The following RAD51B variants were observed in gnomAD, a reference collection of about 807,000 sequenced individuals.
The protein encoded by RAD51B is DNA repair protein RAD51 homolog 2.
RAD51B carries 38 observed loss-of-function variants against 42.2 expected under a neutral mutation model. The observed-to-expected ratio is 0.90, with a 90% CI of 0.70 to 1.18. The LOEUF (loss-of-function observed/expected upper bound fraction) is 1.18. Ranked by LOEUF, RAD51B falls within the 50% of genes most tolerant of loss-of-function variation. The pLI is 0.00. For missense variants in RAD51B, 373 were observed against 400.7 expected (o/e 0.93, Z 0.59); for synonymous variants, 154 against 145.2 (o/e 1.06, Z -0.43).
At chr14:68,337,353 T>A (rs2082477988) in intron 8 of RAD51B, among the ~76,000 whole-genome samples, 1 of 152,238 alleles carries the variant, frequency 6.6e-6, no homozygotes, top group African/African-American at 2.4e-5. Flanking sequence ...AAACCTGAAA[T>A]ACCCCCTCAG....
At chr14:68,258,094 A>G (rs914541360) in intron 7 of RAD51B, among the ~76,000 whole-genome samples, 11 of 152,182 alleles carry the variant, frequency 7.2e-5, no homozygotes, top group African/African-American at 2.2e-4. Flanking sequence ...ATTCAGAAAC[A>G]TAAGTGAGCT....
chr14:68,619,358 G>T (rs1205393245), intron 10 of RAD51B, among the ~76,000 whole-genome samples: 1 of 151,860 alleles, frequency 6.6e-6, no homozygotes, highest in East Asian at 1.9e-4. Context: ...AGCTACTCAG[G>T]AGGCTGAGGC....
intron 10 of RAD51B, among the ~76,000 whole-genome samples, chr14:68,507,665 A>G (rs1271646276): frequency 6.6e-6 from 1 of 152,206 alleles, no homozygotes; most frequent in Non-Finnish European, 1.5e-5. Flanking sequence ...CCAGCTCACA[A>G]TAGACACTCA....
At chr14:67,947,927 A>G (rs1423418715) in intron 7 of RAD51B, among the ~76,000 whole-genome samples, 2 of 152,186 alleles carry the variant, frequency 1.3e-5, no homozygotes, top group African/African-American at 2.4e-5. Context: ...TAGCCCATTT[A>G]TCTTCATGTC....
intron 7 of RAD51B, among the ~76,000 whole-genome samples, chr14:67,940,054 ATTTTTTTTTTTTTTTTT>A (rs1170220269): frequency 3.4e-4 from 5 of 14,558 alleles, no homozygotes; most frequent in African/African-American, 6.8e-4. Flanking sequence ...ATATATATAT[ATTTTTTTTTTTTTTTTT>A]TTTTTTTTTT....
At chr14:68,250,694 A>G (rs2080609968) in intron 7 of RAD51B, among the ~76,000 whole-genome samples, 1 of 152,204 alleles carries the variant, frequency 6.6e-6, no homozygotes, top group Non-Finnish European at 1.5e-5. Flanking sequence ...GACAACCGGC[A>G]TTAATTCACT....
At chr14:68,645,366 T>A (rs1892543254) in intron 10 of RAD51B, among the ~76,000 whole-genome samples, 1 of 152,240 alleles carries the variant, frequency 6.6e-6, no homozygotes, top group South Asian at 2.1e-4. Context: ...CTGTTGTGTG[T>A]ATATACCACA....
chr14:67,856,145 C>T (rs1427843582), intron 4 of RAD51B, among the ~76,000 whole-genome samples: 3 of 152,164 alleles, frequency 2.0e-5, no homozygotes, highest in East Asian at 3.9e-4. Flanking sequence ...TTGTCATTTC[C>T]ATTCCCTCCT....
intron 8 of RAD51B, among the ~76,000 whole-genome samples, chr14:68,297,393 G>A (rs775285379): frequency 3.9e-5 from 6 of 152,164 alleles, no homozygotes; most frequent in Non-Finnish European, 8.8e-5. Context: ...TAAATTGTGT[G>A]TATTTTCAGC....
chr14:68,587,025 A>C (rs1258885023), intron 10 of RAD51B, among the ~76,000 whole-genome samples: 7 of 126,854 alleles, frequency 5.5e-5, no homozygotes, highest in Non-Finnish European at 7.7e-5. Flanking sequence ...ACTCTGTCTC[A>C]AAAAAAAAAA....
At chr14:68,471,644 T>C (rs567476766) in intron 10 of RAD51B, among the ~76,000 whole-genome samples, 1 of 149,606 alleles carries the variant, frequency 6.7e-6, no homozygotes, top group African/African-American at 2.5e-5. Flanking sequence ...AAGGAGCCGG[T>C]CCATGCTATT....
intron 11 of RAD51B, among the ~76,000 whole-genome samples, chr14:68,674,659 T>C (rs1208266341): frequency 6.6e-6 from 1 of 152,172 alleles, no homozygotes; most frequent in Non-Finnish European, 1.5e-5. Context: ...AAAGAGTACT[T>C]TCATTTGTTG....
chr14:68,525,551 G>C (rs565302343), intron 10 of RAD51B, among the ~76,000 whole-genome samples: 1 of 152,294 alleles, frequency 6.6e-6, no homozygotes, highest in Admixed American at 6.5e-5. Context: ...TGGTTCTCCT[G>C]GCTAAGCCCC....
At chr14:68,055,479 A>G (rs1412689885) in intron 7 of RAD51B, among the ~76,000 whole-genome samples, 2 of 152,172 alleles carry the variant, frequency 1.3e-5, no homozygotes, top group African/African-American at 4.8e-5. Flanking sequence ...AATGAGAGCA[A>G]TCATGTGATA....
At chr14:68,334,142 C>A (rs1271186831) in intron 8 of RAD51B, among the ~76,000 whole-genome samples, 1 of 152,052 alleles carries the variant, frequency 6.6e-6, no homozygotes. Context: ...GTAGAGTCAA[C>A]CCTAGAAAAA....
At chr14:68,375,701 G>A (rs940054033) in intron 8 of RAD51B, among the ~76,000 whole-genome samples, 1 of 151,928 alleles carries the variant, frequency 6.6e-6, no homozygotes, top group African/African-American at 2.4e-5. Flanking sequence ...TACATAGTGG[G>A]CACTTGGTAA....
At chr14:68,095,399 T>C (rs1400165303) in intron 7 of RAD51B, among the ~76,000 whole-genome samples, 1 of 152,160 alleles carries the variant, frequency 6.6e-6, no homozygotes, top group East Asian at 1.9e-4. Context: ...AGTTGTGCTC[T>C]CTTGGGATCA....
chr14:67,989,635 C>CAAAAAAAAAA (rs764608072), intron 7 of RAD51B, among the ~76,000 whole-genome samples: 5 of 66,864 alleles, frequency 7.5e-5, no homozygotes, highest in African/African-American at 1.2e-4. Context: ...AACTCTGTCT[C>CAAAAAAAAAA]AAAAAAAAAA....
chr14:68,540,548 A>AATAAGT, intron 10 of RAD51B: 1 of 985,374 alleles, frequency 1.0e-6, no homozygotes, highest in Non-Finnish European at 1.2e-6. Context: ...ATCATCAAAC[A>AATAAGT]ATAAGTATTT....
Sources: allele counts gnomAD v4.1 joint callset (sites outside exome capture counted in the v4.1 genomes callset), GRCh38; gene constraint gnomAD v4.1.1; transcripts MANE v1.5; gene names NCBI Gene and HGNC (gene_info 2026-07-23, HGNC 2026-07-21).